The following CCDC178 variants were observed in gnomAD, a reference collection of about 807,000 sequenced individuals.
CCDC178 encodes coiled-coil domain-containing protein 178.
In CCDC178, 126 loss-of-function variants were observed where a neutral mutation model predicts 117.4. That is an observed-to-expected ratio of 1.07 (90% CI 0.93 to 1.24). CCDC178 has a LOEUF of 1.24. Among genes scored for constraint, CCDC178 ranks in the 50% most tolerant of loss-of-function variants. The pLI is 0.00. For missense variants in CCDC178, 1,030 were observed against 986.9 expected (o/e 1.04, Z -0.59); for synonymous variants, 283 against 313.4 (o/e 0.90, Z 1.02).
intron 12 of CCDC178, among the ~76,000 whole-genome samples, chr18:33,288,608 C>T (rs893239639): frequency 6.6e-6 from 1 of 151,436 alleles, no homozygotes; most frequent in Non-Finnish European, 1.5e-5. Context: ...CCTTAAAAAC[C>T]TTAAGAAGTA....
intron 9 of CCDC178, among the ~76,000 whole-genome samples, chr18:33,334,153 T>A (rs1245053508): frequency 1.3e-5 from 2 of 152,044 alleles, no homozygotes; most frequent in East Asian, 3.8e-4. Flanking sequence ...ATAACATAGT[T>A]CATGTAAAAG....
chr18:33,239,544 G>A (rs765733609), intron 15 of CCDC178, among the ~76,000 whole-genome samples: 10 of 147,366 alleles, frequency 6.8e-5, no homozygotes, highest in Non-Finnish European at 1.2e-4. Flanking sequence ...GAAACCAAAA[G>A]TGAGCAAGAA....
At position 32,975,491 on chromosome 18, in the gene CCDC178, G is replaced by A. The variant is rs114381598; in HGVS notation, c.2389-810C>T. 9.9e-3 allele frequency among the ~76,000 whole-genome samples: 1,504 copies of A among 152,118 alleles called. 25 individuals are homozygous for A. Among genetic ancestry groups the A allele is most frequent in the African/African-American group, 0.035 (1,441 of 41,502 alleles). ...GTACATTTGCCCTTCACCAGTTACC[G>A]TAGGCACGCCATACAGAATTATTAT... On this transcript the variant is annotated intron_variant, in intron 21 of 22. Transcript: ENST00000383096.
chr18:33,083,179 G>T (rs1340597633), intron 21 of CCDC178, among the ~76,000 whole-genome samples: 2 of 152,124 alleles, frequency 1.3e-5, no homozygotes, highest in Non-Finnish European at 2.9e-5. Flanking sequence ...TACAGATCAG[G>T]AACCACAGGC....
chr18:32,963,152 T>C (rs1413272865), intron 22 of CCDC178, among the ~76,000 whole-genome samples: 1 of 152,068 alleles, frequency 6.6e-6, no homozygotes, highest in Non-Finnish European at 1.5e-5. Context: ...AGGATGAGCA[T>C]GGAGGACGAA....
At chr18:33,001,524 A>G (rs1406967466) in intron 21 of CCDC178, among the ~76,000 whole-genome samples, 1 of 152,088 alleles carries the variant, frequency 6.6e-6, no homozygotes, top group Non-Finnish European at 1.5e-5. Context: ...AAAAAAGAAA[A>G]ATAAATAAAT....
At chr18:32,958,299 T>C (rs1051853067) in intron 22 of CCDC178, 4 of 411,338 alleles carry the variant, frequency 9.7e-6, no homozygotes, top group African/African-American at 6.2e-5. Flanking sequence ...CAAGTTTTCA[T>C]TTCTGTGAAG....
chr18:33,351,692 G>A (rs924345533), intron 7 of CCDC178, among the ~76,000 whole-genome samples: 23 of 152,122 alleles, frequency 1.5e-4, no homozygotes, highest in South Asian at 4.1e-4. Flanking sequence ...ACTGGCATGC[G>A]CCACCACACC....
intron 7 of CCDC178, among the ~76,000 whole-genome samples, chr18:33,355,363 T>C (rs2063039057): frequency 6.6e-6 from 1 of 152,204 alleles, no homozygotes; most frequent in South Asian, 2.1e-4. Flanking sequence ...GTGTTTTGTG[T>C]GAGTTCACTT....
chr18:33,138,126 A>G (rs921173726), intron 20 of CCDC178, among the ~76,000 whole-genome samples: 1 of 152,214 alleles, frequency 6.6e-6, no homozygotes, highest in Non-Finnish European at 1.5e-5. Context: ...ACATCCACCA[A>G]ACATTATTGG....
At chr18:33,266,007 C>G (rs971225811) in intron 14 of CCDC178, among the ~76,000 whole-genome samples, 4 of 151,798 alleles carry the variant, frequency 2.6e-5, no homozygotes, top group African/African-American at 9.7e-5. Flanking sequence ...GTTTCCAAAC[C>G]AAGAATACTA....
intron 21 of CCDC178, among the ~76,000 whole-genome samples, chr18:33,079,485 A>G (rs2057263646): frequency 6.6e-6 from 1 of 152,202 alleles, no homozygotes; most frequent in South Asian, 2.1e-4. Flanking sequence ...AACAGAGTAA[A>G]CAGACAATTT....
intron 5 of CCDC178, among the ~76,000 whole-genome samples, chr18:33,378,676 G>A (rs1006969203): frequency 2.0e-5 from 3 of 152,012 alleles, no homozygotes; most frequent in African/African-American, 4.8e-5. Flanking sequence ...AAGGTTTTTC[G>A]ACATCTATTG....
intron 21 of CCDC178, among the ~76,000 whole-genome samples, chr18:32,987,430 T>C (rs2055286105): frequency 6.6e-6 from 1 of 152,046 alleles, no homozygotes; most frequent in Non-Finnish European, 1.5e-5. Flanking sequence ...GGTCTATAGA[T>C]ATCAACACAT....
intron 5 of CCDC178, among the ~76,000 whole-genome samples, chr18:33,387,697 T>A (rs1360598914): frequency 6.6e-6 from 1 of 152,156 alleles, no homozygotes; most frequent in African/African-American, 2.4e-5. Flanking sequence ...TTACACCTTA[T>A]ACAAAAATTA....
chr18:33,093,687 T>C lies in CCDC178; in HGVS notation c.2239-777A>G, dbSNP rs72943311. Among the ~76,000 whole-genome samples, 1,241 of 152,024 alleles carry C rather than the reference T, an allele frequency of 8.2e-3. 15 individuals are homozygous for C. Among genetic ancestry groups the C allele is most frequent in the African/African-American group, 0.027 (1,121 of 41,508 alleles). ...AGTTTAGTTTCTGATTTTTTTTTTTTACATTTCTTGCACAGAAAACTTACT... is the reference window on the plus strand; with the variant it reads ...AGTTTAGTTTCTGATTTTTTTTTTTCACATTTCTTGCACAGAAAACTTACT... On this transcript the variant is annotated intron_variant, in intron 20 of 22. Transcript: ENST00000383096.
intron 11 of CCDC178, among the ~76,000 whole-genome samples, chr18:33,308,790 C>T (rs562994723): frequency 3.0e-4 from 46 of 152,200 alleles, no homozygotes; most frequent in Middle Eastern, 3.4e-3. Flanking sequence ...AGAGGTTTCC[C>T]CCTTCATTCA....
chr18:33,346,549 A>G (rs2062896926), intron 8 of CCDC178, 138 bp from the exon 9 acceptor site: 3 of 404,664 alleles, frequency 7.4e-6, no homozygotes, highest in Non-Finnish European at 1.3e-5. Flanking sequence ...TTACCTTTTA[A>G]AAAAGTTTTA....
At chr18:33,240,840 C>G (rs577598895) in intron 15 of CCDC178, among the ~76,000 whole-genome samples, 1 of 151,754 alleles carries the variant, frequency 6.6e-6, no homozygotes, top group African/African-American at 2.4e-5. Flanking sequence ...AAAATTCTTC[C>G]TAGGTCATTC....
Sources: allele counts gnomAD v4.1 joint callset (sites outside exome capture counted in the v4.1 genomes callset), GRCh38; gene constraint gnomAD v4.1.1; transcripts MANE v1.5; gene names NCBI Gene and HGNC (gene_info 2026-07-23, HGNC 2026-07-21).